The following THUMPD3 variants were observed in gnomAD, a reference collection of about 807,000 sequenced individuals.
THUMPD3 encodes tRNA (guanine(6)-N(2))-methyltransferase THUMP3.
A neutral mutation model predicts 54.5 loss-of-function variants in THUMPD3; 44 were observed. That is an observed-to-expected ratio of 0.81 (90% CI 0.63 to 1.04). The LOEUF is 1.04. Among genes scored for constraint, THUMPD3 ranks in the 50% least tolerant of loss-of-function variants. The probability of loss-of-function intolerance (pLI) is 0.00; values close to 1 mark genes in which losing one functional copy is unlikely to be tolerated. For synonymous variants in THUMPD3, 196 were observed against 201.4 expected (o/e 0.97, Z 0.23); for missense variants, 604 against 601.3 (o/e 1.00, Z -0.05).
rs753006571 is a variant in THUMPD3, at chr3:9,380,492, T to G, written c.1009-11T>G. On this transcript the variant is annotated splice_polypyrimidine_tract_variant and intron_variant, in intron 6 of 9. Coordinates refer to ENST00000452837, the MANE Select transcript of THUMPD3 (RefSeq NM_001114092.2). ...GCTACTTTTGTTTTAACATACACTCTTATCTTTTAGGGGGCCACTGAATGG... is the reference window on the plus strand; with the variant it reads ...GCTACTTTTGTTTTAACATACACTCGTATCTTTTAGGGGGCCACTGAATGG... 2 of 1,573,058 alleles carry G rather than the reference T, an allele frequency of 1.3e-6. No homozygotes were observed. The highest frequency in any genetic ancestry group is 1.7e-6 in the Non-Finnish European group (2 of 1,148,064).
chr3:9,384,382 A>G (rs769240050), intron 9 of THUMPD3, 47 bp downstream of exon 9: 17 of 1,598,034 alleles, frequency 1.1e-5, no homozygotes, highest in Non-Finnish European at 1.5e-5. Context: ...CAACTTTGGG[A>G]TCTTTTTGAG....
At position 9,371,548 on chromosome 3, in the gene THUMPD3, C is replaced by G; in HGVS notation, c.807+12C>G. ...ACTTTGATGTGGAGGTAGGTATAGG[C>G]TCTGACTGTGGTGATTGAAGAATGC... On this transcript the variant is annotated intron_variant, in intron 4 of 9. Transcript: ENST00000452837. The G allele has an allele frequency of 1.3e-6, 2 of 1,585,356 alleles. No individual in the cohort carries two copies. The highest frequency in any genetic ancestry group is 1.7e-6 in the Non-Finnish European group (2 of 1,161,678).
At chr3:9,379,531 A>G (rs1291097556) in intron 6 of THUMPD3, among the ~76,000 whole-genome samples, 1 of 152,226 alleles carries the variant, frequency 6.6e-6, no homozygotes, top group African/African-American at 2.4e-5. Flanking sequence ...TAATCTGCAT[A>G]GAACATTGTT....
intron 2 of THUMPD3, 32 bp downstream of exon 2, chr3:9,365,352 C>T: frequency 6.2e-7 from 1 of 1,605,812 alleles, no homozygotes; most frequent in East Asian, 2.2e-5. Context: ...AAATAGTTTT[C>T]TAAGTTGATC....
At chr3:9,376,573 G>A (rs1426238011) in intron 5 of THUMPD3, among the ~76,000 whole-genome samples, 1 of 152,192 alleles carries the variant, frequency 6.6e-6, no homozygotes, top group Non-Finnish European at 1.5e-5. Context: ...ATGTGTTGAG[G>A]AGTAGGAGCA....
intron 5 of THUMPD3, among the ~76,000 whole-genome samples, chr3:9,376,799 C>A (rs1185199479): frequency 6.6e-6 from 1 of 152,172 alleles, no homozygotes; most frequent in Non-Finnish European, 1.5e-5. Context: ...AACAGTAATG[C>A]CTCTAATCTT....
At position 9,383,240 on chromosome 3, in the gene THUMPD3, A is replaced by G. The variant is rs750998916; in HGVS notation, c.1166A>G (p.Asp389Gly). The change falls in exon 8 of 10, where the codon GAT becomes GGT. Residue 389 changes from aspartate to glycine, a missense_variant. By Grantham distance (94) the Asp-to-Gly change is moderately conservative. Transcript: ENST00000452837. ...TTGCCCATAGATGCTGTTCAGTGGG[A>G]TATCTGCAATCTGCCATTGAGAACT... is the stretch of plus-strand genomic sequence containing the variant. ...WGLPIDAVQW[D>G]ICNLPLRTGS... 3.7e-6 allele frequency: 6 copies of G among 1,614,114 alleles called. No homozygotes were observed. In the Admixed American group the frequency reaches 8.3e-5, roughly 22 times the overall value.
At chr3:9,379,761 C>T (rs555813533) in intron 6 of THUMPD3, among the ~76,000 whole-genome samples, 90 of 152,114 alleles carry the variant, frequency 5.9e-4, no homozygotes, top group Non-Finnish European at 4.1e-4. Context: ...GGTGTAATCT[C>T]AGCTCCCTGC....
chr3:9,382,661 T>C (rs2033016270), intron 7 of THUMPD3, among the ~76,000 whole-genome samples: 2 of 152,274 alleles, frequency 1.3e-5, no homozygotes. Flanking sequence ...TTATGTAATT[T>C]ACTGCTTCAG....
chr3:9,369,309 CAAAA>C (rs779602979), intron 3 of THUMPD3, among the ~76,000 whole-genome samples: 77 of 60,846 alleles, frequency 1.3e-3, no homozygotes, highest in African/African-American at 5.1e-3. Context: ...GACTCCGTCT[CAAAA>C]AAAAAAAAAA....
intron 4 of THUMPD3, among the ~76,000 whole-genome samples, chr3:9,372,386 C>T (rs999721662): frequency 2.0e-5 from 3 of 151,946 alleles, no homozygotes; most frequent in East Asian, 1.9e-4. Flanking sequence ...TTGAGACCAG[C>T]GTGGCCAATA....
At chr3:9,364,010 C>G (rs1365388157) in intron 1 of THUMPD3, 1 of 151,888 alleles carries the variant, frequency 6.6e-6, no homozygotes, top group African/African-American at 2.4e-5. Context: ...ATCTACTCAC[C>G]TCAGCTCCCT....
chr3:9,382,722 TCA>T (rs2033019379), intron 7 of THUMPD3, among the ~76,000 whole-genome samples: 1 of 152,212 alleles, frequency 6.6e-6, no homozygotes, highest in South Asian at 2.1e-4. Context: ...AATCATGTTT[TCA>T]GTTTGTTTCC....
At chr3:9,377,963 A>G in intron 6 of THUMPD3, 75 bp downstream of exon 6, 2 of 1,220,016 alleles carry the variant, frequency 1.6e-6, no homozygotes, top group Non-Finnish European at 1.2e-6. Flanking sequence ...CAAATTAGAC[A>G]TAATGAAATC....
intron 5 of THUMPD3, among the ~76,000 whole-genome samples, chr3:9,375,316 T>A (rs1408058651): frequency 2.0e-5 from 3 of 152,230 alleles, no homozygotes; most frequent in Non-Finnish European, 2.9e-5. Context: ...TTTATGTGTA[T>A]AACGTGTAAA....
At chr3:9,365,924 ATGC>A (rs1351254640) in intron 2 of THUMPD3, among the ~76,000 whole-genome samples, 2 of 152,090 alleles carry the variant, frequency 1.3e-5, no homozygotes, top group African/African-American at 2.4e-5. Context: ...AAAATCCGAA[ATGC>A]TGCACTGAGC....
At chr3:9,364,302 A>G (rs926757607) in intron 1 of THUMPD3, among the ~76,000 whole-genome samples, 1 of 151,142 alleles carries the variant, frequency 6.6e-6, no homozygotes, top group Non-Finnish European at 1.5e-5. Flanking sequence ...TCTATCTGAA[A>G]CTCCAAAAGC....
chr3:9,367,925 C>T (rs1290647614), intron 3 of THUMPD3, among the ~76,000 whole-genome samples: 2 of 151,818 alleles, frequency 1.3e-5, no homozygotes, highest in African/African-American at 4.8e-5. Flanking sequence ...ATTAGCCGGG[C>T]GTAGTGGTGG....
chr3:9,377,734 C>G, intron 5 of THUMPD3, 85 bp from the exon 6 acceptor site: 8 of 1,094,462 alleles, frequency 7.3e-6, no homozygotes, highest in Non-Finnish European at 1.1e-5. Flanking sequence ...GTGGTAGGTC[C>G]TCAATCTTAA....
Sources: allele counts gnomAD v4.1 joint callset (sites outside exome capture counted in the v4.1 genomes callset), GRCh38; gene constraint gnomAD v4.1.1; transcripts MANE v1.5; gene names NCBI Gene and HGNC (gene_info 2026-07-23, HGNC 2026-07-21).